The following PARD3 variants were observed in gnomAD, a reference collection of about 807,000 sequenced individuals.
The protein encoded by PARD3 is par-3 family cell polarity regulator, also known as partitioning defective 3 homolog.
In PARD3, 75 loss-of-function variants were observed where a neutral mutation model predicts 155.4. That is an observed-to-expected ratio of 0.48 (90% CI 0.40 to 0.58). The LOEUF is 0.58. PARD3 is among the 20% of genes least tolerant of loss of function. The probability of loss-of-function intolerance (pLI) is 0.00; values close to 1 mark genes in which losing one functional copy is unlikely to be tolerated. For synonymous variants in PARD3, 576 were observed against 610.5 expected (o/e 0.94, Z 0.83); for missense variants, 1,642 against 1,721.7 (o/e 0.95, Z 0.82).
chr10:34,183,883 C>T (rs1950372626), intron 22 of PARD3, among the ~76,000 whole-genome samples: 1 of 152,218 alleles, frequency 6.6e-6, no homozygotes, highest in African/African-American at 2.4e-5. Context: ...CGGCATGAAA[C>T]CAAGAACCCT....
At chr10:34,452,747 A>T (rs1246405964) in intron 4 of PARD3, among the ~76,000 whole-genome samples, 1 of 152,154 alleles carries the variant, frequency 6.6e-6, no homozygotes. Flanking sequence ...ACGAAAACGA[A>T]ACTGTTTCCT....
intron 1 of PARD3, among the ~76,000 whole-genome samples, chr10:34,708,235 T>A (rs1163652829): frequency 6.6e-6 from 1 of 151,308 alleles, no homozygotes. Flanking sequence ...TTTTGTCTTG[T>A]CTTTACAACG....
intron 22 of PARD3, among the ~76,000 whole-genome samples, chr10:34,268,587 A>G: frequency 6.6e-6 from 1 of 152,158 alleles, no homozygotes; most frequent in Non-Finnish European, 1.5e-5. Flanking sequence ...ACCATGGAAT[A>G]CTATGCAGCC....
intron 14 of PARD3, among the ~76,000 whole-genome samples, chr10:34,356,531 C>G (rs956719872): frequency 6.6e-6 from 1 of 152,108 alleles, no homozygotes; most frequent in African/African-American, 2.4e-5. Context: ...GATGAGATAG[C>G]AAAATACAGT....
intron 2 of PARD3, among the ~76,000 whole-genome samples, chr10:34,689,206 G>A (rs1447579243): frequency 1.3e-5 from 2 of 152,214 alleles, no homozygotes; most frequent in African/African-American, 2.4e-5. Context: ...TGGAGCAGCT[G>A]CCAAAAATAG....
At chr10:34,488,846 G>C (rs2133293857) in intron 3 of PARD3, 1 of 154,832 alleles carries the variant, frequency 6.5e-6, no homozygotes, top group Non-Finnish European at 1.4e-5. Flanking sequence ...CTGTGAAGAT[G>C]GTGATGCAGT....
intron 22 of PARD3, among the ~76,000 whole-genome samples, chr10:34,238,265 T>G (rs1953362669): frequency 6.6e-6 from 1 of 152,224 alleles, no homozygotes; most frequent in African/African-American, 2.4e-5. Flanking sequence ...GGCAACAGAC[T>G]GTAGTATCCC....
chr10:34,751,360 A>G (rs148788974), intron 1 of PARD3, among the ~76,000 whole-genome samples: 301 of 152,340 alleles, frequency 2.0e-3, no homozygotes, highest in African/African-American at 6.7e-3. Context: ...AAGCAACTCC[A>G]TCTCAGATAT....
intron 1 of PARD3, among the ~76,000 whole-genome samples, chr10:34,745,885 G>A (rs936220526): frequency 1.3e-5 from 2 of 152,192 alleles, no homozygotes; most frequent in Non-Finnish European, 2.9e-5. Context: ...CAGATCACGA[G>A]GTCAGGAGAT....
chr10:34,406,675 G>T (rs1844511745), intron 5 of PARD3, among the ~76,000 whole-genome samples: 2 of 152,020 alleles, frequency 1.3e-5, no homozygotes, highest in African/African-American at 4.8e-5. Context: ...CTACAAGTTT[G>T]CACCTCCTCC....
intron 22 of PARD3, among the ~76,000 whole-genome samples, chr10:34,134,816 T>C (rs1476209159): frequency 1.3e-5 from 2 of 152,228 alleles, no homozygotes; most frequent in South Asian, 2.1e-4. Context: ...CAATTGGCAG[T>C]CTGAAGGTGA....
At chr10:34,736,490 A>G (rs932117763) in intron 1 of PARD3, among the ~76,000 whole-genome samples, 2 of 151,870 alleles carry the variant, frequency 1.3e-5, no homozygotes, top group African/African-American at 4.8e-5. Context: ...CACCACACCT[A>G]GCTAAATTTT....
At chr10:34,359,069 A>C in intron 14 of PARD3, 78 bp downstream of exon 14, 19 of 1,105,216 alleles carry the variant, frequency 1.7e-5, no homozygotes, top group Non-Finnish European at 1.7e-5. Flanking sequence ...CTGGAACCTA[A>C]TACCCTTTGC....
intron 2 of PARD3, among the ~76,000 whole-genome samples, chr10:34,678,097 A>AG (rs1407712867): frequency 6.6e-6 from 1 of 152,088 alleles, no homozygotes; most frequent in Non-Finnish European, 1.5e-5. Context: ...TTATTGAGAC[A>AG]GGGTCTCACT....
chr10:34,391,552 G>A (rs1292500744), intron 7 of PARD3, among the ~76,000 whole-genome samples: 2 of 152,168 alleles, frequency 1.3e-5, no homozygotes, highest in South Asian at 2.1e-4. Flanking sequence ...AAATGGATGA[G>A]TATGGTATGT....
chr10:34,612,072 C>T (rs1307476320), intron 2 of PARD3, among the ~76,000 whole-genome samples: 2 of 151,940 alleles, frequency 1.3e-5, no homozygotes, highest in African/African-American at 4.8e-5. Context: ...GTGATCCGCC[C>T]GCCTCGGCCT....
intron 22 of PARD3, among the ~76,000 whole-genome samples, chr10:34,166,931 T>C (rs1178442098): frequency 6.6e-6 from 1 of 152,196 alleles, no homozygotes; most frequent in Non-Finnish European, 1.5e-5. Flanking sequence ...TACACTCTGT[T>C]AGAGTCACTA....
intron 1 of PARD3, among the ~76,000 whole-genome samples, chr10:34,808,423 T>C (rs1457097367): frequency 2.0e-5 from 3 of 152,214 alleles, no homozygotes; most frequent in Non-Finnish European, 4.4e-5. Context: ...TGATAAAGAT[T>C]TGCTTTTGTA....
At chr10:34,615,911 G>A (rs2132662727) in intron 2 of PARD3, among the ~76,000 whole-genome samples, 1 of 152,300 alleles carries the variant, frequency 6.6e-6, no homozygotes, top group South Asian at 2.1e-4. Flanking sequence ...ACCCCAGTTA[G>A]AATAGCTGTT....
Sources: gnomAD v4.1 joint callset for allele counts (sites outside exome capture counted in the v4.1 genomes callset) on GRCh38, gnomAD v4.1.1 for gene constraint, MANE v1.5 for transcripts, NCBI Gene and HGNC (gene_info 2026-07-23, HGNC 2026-07-21) for gene names.